The following SCLT1 variants were observed in gnomAD, a reference collection of about 807,000 sequenced individuals.
The protein encoded by SCLT1 is sodium channel and clathrin linker 1.
In SCLT1, 78 loss-of-function variants were observed where a neutral mutation model predicts 112.8. That is an observed-to-expected ratio of 0.69 (90% CI 0.58 to 0.83). SCLT1 has a LOEUF of 0.83. Among genes scored for constraint, SCLT1 ranks in the 40% least tolerant of loss-of-function variants. SCLT1 has a pLI of 0.00. For missense variants in SCLT1, 747 were observed against 770.4 expected (o/e 0.97, Z 0.36); for synonymous variants, 257 against 254.7 (o/e 1.01, Z -0.09).
intron 9 of SCLT1, among the ~76,000 whole-genome samples, chr4:128,974,437 C>A (rs1740968940): frequency 1.3e-5 from 2 of 151,578 alleles, no homozygotes; most frequent in Non-Finnish European, 2.9e-5. Flanking sequence ...CTGATGGGAA[C>A]TCCTGCCTGG....
At chr4:129,002,589 A>G (rs1467758973) in intron 6 of SCLT1, among the ~76,000 whole-genome samples, 1 of 152,186 alleles carries the variant, frequency 6.6e-6, no homozygotes, top group Non-Finnish European at 1.5e-5. Flanking sequence ...ACAAATTTAC[A>G]AGAAAAAAAC....
At chr4:128,924,257 A>C (rs1366418499) in intron 18 of SCLT1, among the ~76,000 whole-genome samples, 2 of 151,480 alleles carry the variant, frequency 1.3e-5, no homozygotes, top group Non-Finnish European at 2.9e-5. Flanking sequence ...CATTTTAAAA[A>C]TTTTATTTAT....
At chr4:129,048,363 A>T (rs1183971212) in intron 2 of SCLT1, among the ~76,000 whole-genome samples, 1 of 152,026 alleles carries the variant, frequency 6.6e-6, no homozygotes, top group African/African-American at 2.4e-5. Flanking sequence ...AACCTGAGAA[A>T]AACAAGCAAT....
chr4:129,034,318 T>C (rs929199594), intron 5 of SCLT1, among the ~76,000 whole-genome samples: 1 of 152,000 alleles, frequency 6.6e-6, no homozygotes, highest in Non-Finnish European at 1.5e-5. Context: ...TATCATACCA[T>C]TGATTATCAT....
chr4:129,067,007 A>G (rs904557621), intron 2 of SCLT1, among the ~76,000 whole-genome samples: 10 of 152,276 alleles, frequency 6.6e-5, no homozygotes, highest in Admixed American at 4.6e-4. Flanking sequence ...AACATGAAAC[A>G]TAACAAAATC....
intron 4 of SCLT1, chr4:129,039,951 T>A: frequency 2.1e-6 from 1 of 479,646 alleles, no homozygotes. Context: ...AATTTACATG[T>A]AAAAGCATGC....
rs543353710 is a variant in SCLT1 at position 128,895,978 on chromosome 4, C to T, written c.1830-4841G>A. Among the ~76,000 whole-genome samples, 39 of 152,292 alleles carry T rather than the reference C, an allele frequency of 2.6e-4. 2 individuals are homozygous for T. The highest frequency in any genetic ancestry group is 8.9e-4 in the African/African-American group (37 of 41,574). ...CTGAGATCAAACTGCAAGGCGGCAG[C>T]GAGGCTGGGGGAGGGGCACCCGCCA... On this transcript the variant is annotated intron_variant, in intron 18 of 20. Transcript: ENST00000281142.
intron 18 of SCLT1, among the ~76,000 whole-genome samples, chr4:128,904,905 C>T (rs1488070939): frequency 6.6e-6 from 1 of 152,080 alleles, no homozygotes; most frequent in Admixed American, 6.5e-5. Context: ...TTAAGGCAGG[C>T]GGGTCAGCGT....
At chr4:129,001,021 A>G (rs1003360963) in intron 6 of SCLT1, among the ~76,000 whole-genome samples, 4 of 152,016 alleles carry the variant, frequency 2.6e-5, no homozygotes, top group Non-Finnish European at 5.9e-5. Context: ...ATAAACACAG[A>G]ATATGGAGCC....
At chr4:129,086,025 GA>G (rs1752366087) in intron 1 of SCLT1, among the ~76,000 whole-genome samples, 1 of 151,666 alleles carries the variant, frequency 6.6e-6, no homozygotes, top group South Asian at 2.1e-4. Context: ...TTTAAAAAAA[GA>G]AAAACTTAAA....
intron 1 of SCLT1, among the ~76,000 whole-genome samples, chr4:129,085,971 A>G (rs991412137): frequency 1.3e-5 from 2 of 152,146 alleles, no homozygotes; most frequent in Non-Finnish European, 2.9e-5. Flanking sequence ...AAGTTTACCT[A>G]TATAACAAAC....
At chr4:128,899,735 G>C (rs978532314) in intron 18 of SCLT1, among the ~76,000 whole-genome samples, 2 of 152,250 alleles carry the variant, frequency 1.3e-5, no homozygotes, top group African/African-American at 4.8e-5. Context: ...AAGTCAAATT[G>C]TCCCTGTTTG....
intron 18 of SCLT1, among the ~76,000 whole-genome samples, chr4:128,896,867 C>T (rs558046399): frequency 1.2e-3 from 186 of 152,280 alleles, no homozygotes; most frequent in Admixed American, 3.7e-3. Flanking sequence ...TCGAGAACTA[C>T]CTGACGAATG....
At chr4:128,992,088 G>A (rs35350849) in intron 9 of SCLT1, 79 bp downstream of exon 9, 1 of 883,440 alleles carries the variant, frequency 1.1e-6, no homozygotes, top group Non-Finnish European at 1.8e-6. Flanking sequence ...AAACACCCAT[G>A]GGGAAAATTA....
At chr4:129,026,486 T>C (rs988998624) in intron 5 of SCLT1, among the ~76,000 whole-genome samples, 3 of 151,976 alleles carry the variant, frequency 2.0e-5, no homozygotes, top group African/African-American at 7.3e-5. Flanking sequence ...GAAATAAAGA[T>C]GTTCTTTGAA....
At chr4:128,909,342 C>T (rs541545579) in intron 18 of SCLT1, among the ~76,000 whole-genome samples, 21 of 152,260 alleles carry the variant, frequency 1.4e-4, no homozygotes, top group Non-Finnish European at 2.8e-4. Context: ...TCTTGACCTC[C>T]TGGCTCAAGT....
At chr4:129,032,889 T>A (rs1746854518) in intron 5 of SCLT1, among the ~76,000 whole-genome samples, 1 of 151,900 alleles carries the variant, frequency 6.6e-6, no homozygotes, top group Non-Finnish European at 1.5e-5. Flanking sequence ...TTGGTGGGAG[T>A]GTAAATTAGT....
chr4:129,061,608 G>A (rs1299157697), intron 2 of SCLT1, among the ~76,000 whole-genome samples: 1 of 152,098 alleles, frequency 6.6e-6, no homozygotes, highest in African/African-American at 2.4e-5. Context: ...AGTGGCTAAG[G>A]TGCTGTTCTC....
intron 18 of SCLT1, among the ~76,000 whole-genome samples, chr4:128,910,299 T>C (rs1734992912): frequency 6.6e-6 from 1 of 152,246 alleles, no homozygotes; most frequent in African/African-American, 2.4e-5. Context: ...TTTTGCCAAT[T>C]TGCTGGGTAA....
Sources: gnomAD v4.1 joint callset for allele counts (sites outside exome capture counted in the v4.1 genomes callset) on GRCh38, gnomAD v4.1.1 for gene constraint, MANE v1.5 for transcripts, NCBI Gene and HGNC (gene_info 2026-07-23, HGNC 2026-07-21) for gene names.